The following TAB2 variants were observed in gnomAD, a reference collection of about 807,000 sequenced individuals.
TAB2 encodes TGF-beta activated kinase 1 (MAP3K7) binding protein 2, also known as TGF-beta-activated kinase 1 and MAP3K7-binding protein 2.
A neutral mutation model predicts 65.0 loss-of-function variants in TAB2; 3 were observed. The ratio of observed to expected loss-of-function variants is 0.05; its 90% CI spans 0.02 to 0.12. TAB2 has a LOEUF of 0.12. TAB2 is among the 10% of genes least tolerant of loss of function. The pLI, the probability that TAB2 is intolerant of heterozygous loss-of-function variation, is 1.00. For missense variants in TAB2, 623 were observed against 840.3 expected (o/e 0.74, Z 3.20); for synonymous variants, 298 against 285.1 (o/e 1.05, Z -0.46).
In TAB2 at chr6:149,318,811, G is replaced by A. The variant is rs535336318; in HGVS notation, c.-90+796G>A. 2.6e-5 allele frequency: 4 copies of A among 152,316 alleles called. No homozygotes were observed. In the East Asian group the frequency reaches 7.7e-4, roughly 29 times the overall value. 9.4% of individuals were successfully genotyped at this position (152,316 alleles called of 1,614,324 possible). On this transcript the variant is annotated intron_variant, in intron 1 of 6. Transcript: ENST00000637181. ...AGTTTGTATTTATGTGTTTGGCCAT[G>A]TTTCATTCCATATATAGTATATTTG...
At chr6:149,365,554 T>C (rs1781013597) in intron 1 of TAB2, among the ~76,000 whole-genome samples, 1 of 152,172 alleles carries the variant, frequency 6.6e-6, no homozygotes, top group African/African-American at 2.4e-5. Flanking sequence ...TTTCAAGATT[T>C]TCTTTTTGGT....
chr6:149,318,275 G>GC (rs1282704666), intron 1 of TAB2, among the ~76,000 whole-genome samples: 2 of 151,722 alleles, frequency 1.3e-5, no homozygotes, highest in South Asian at 2.1e-4. Context: ...CGTCCGTGCG[G>GC]GGGGGGAGGG....
At chr6:149,350,018 G>A (rs1780437881) in intron 1 of TAB2, among the ~76,000 whole-genome samples, 1 of 152,042 alleles carries the variant, frequency 6.6e-6, no homozygotes, top group Non-Finnish European at 1.5e-5. Flanking sequence ...TGCAACCTCT[G>A]CCTCCTGGGT....
At chr6:149,244,446 G>A (rs1186292511) in intron 1 of TAB2, 10 of 152,444 alleles carry the variant, frequency 6.6e-5, no homozygotes, top group African/African-American at 2.4e-4. Flanking sequence ...GACGGAGCAT[G>A]AAGGAGGAAG....
At chr6:149,307,131 G>A (rs918484720) in intron 1 of TAB2, among the ~76,000 whole-genome samples, 1 of 152,158 alleles carries the variant, frequency 6.6e-6, no homozygotes, top group Non-Finnish European at 1.5e-5. Flanking sequence ...GTAGTGTTGT[G>A]AGTCATAGAA....
In TAB2 at chr6:149,367,578, C is replaced by T. The variant is rs372878272; in HGVS notation, c.-89-2331C>T. 5.3e-4 allele frequency among the ~76,000 whole-genome samples: 80 copies of T among 152,100 alleles called. No homozygotes were observed. The South Asian group carries it at 0.011, about 21-fold the overall frequency. Reference sequence around the variant, plus strand: ...GATTTACTTTTCACAAAGATCACGCCGCTCAGTAAAGAAAATACTGGGGAC... The same window carrying T: ...GATTTACTTTTCACAAAGATCACGCTGCTCAGTAAAGAAAATACTGGGGAC... On this transcript the variant is annotated intron_variant, in intron 1 of 6. Transcript: ENST00000637181.
chr6:149,229,393 C>CGTGT (rs10553494), intron 1 of TAB2, among the ~76,000 whole-genome samples: 1,557 of 149,166 alleles, frequency 0.01, 19 homozygotes, highest in African/African-American at 0.034. Flanking sequence ...CCTTTAAAGA[C>CGTGT]GTGTGTGTGT....
At chr6:149,366,647 T>A (rs1333423704) in intron 1 of TAB2, among the ~76,000 whole-genome samples, 1 of 152,186 alleles carries the variant, frequency 6.6e-6, no homozygotes, top group Non-Finnish European at 1.5e-5. Context: ...AATTTGTTTC[T>A]TCCTCCTTCA....
chr6:149,257,308 A>AT (rs1175000432), intron 1 of TAB2: 3 of 152,204 alleles, frequency 2.0e-5, no homozygotes, highest in Admixed American at 6.5e-5. Context: ...AATTTTTCAC[A>AT]TTTCTACCTG....
chr6:149,334,366 A>G (rs1779872515), intron 1 of TAB2, among the ~76,000 whole-genome samples: 1 of 152,158 alleles, frequency 6.6e-6, no homozygotes, highest in African/African-American at 2.4e-5. Flanking sequence ...GAAGCTAGCC[A>G]AGTTTGTTAC....
chr6:149,310,702 C>G (rs1427022207), intron 1 of TAB2, among the ~76,000 whole-genome samples: 1 of 152,024 alleles, frequency 6.6e-6, no homozygotes, highest in African/African-American at 2.4e-5. Flanking sequence ...CTCAAGAAGG[C>G]CCCCAGGAGA....
chr6:149,273,137 T>C (rs1212326591), intron 1 of TAB2, among the ~76,000 whole-genome samples: 2 of 152,120 alleles, frequency 1.3e-5, no homozygotes, highest in Non-Finnish European at 1.5e-5. Flanking sequence ...CCAGGGATGC[T>C]GTTAAACATC....
chr6:149,233,460 C>T (rs1380344526), intron 1 of TAB2, among the ~76,000 whole-genome samples: 1 of 152,196 alleles, frequency 6.6e-6, no homozygotes, highest in African/African-American at 2.4e-5. Flanking sequence ...TGATTTGTCA[C>T]ACGTAAGTGT....
intron 1 of TAB2, among the ~76,000 whole-genome samples, chr6:149,367,476 G>A (rs1257640063): frequency 6.6e-6 from 1 of 152,142 alleles, no homozygotes; most frequent in Non-Finnish European, 1.5e-5. Flanking sequence ...GGAGAGGGTA[G>A]AAGATGAAGT....
At chr6:149,277,146 T>C (rs891915037) in intron 1 of TAB2, among the ~76,000 whole-genome samples, 1 of 152,222 alleles carries the variant, frequency 6.6e-6, no homozygotes, top group Non-Finnish European at 1.5e-5. Flanking sequence ...AAATTAAACC[T>C]CTTTACTTTA....
At chr6:149,223,417 G>A (rs1397436067) in intron 1 of TAB2, among the ~76,000 whole-genome samples, 2 of 152,216 alleles carry the variant, frequency 1.3e-5, no homozygotes, top group Non-Finnish European at 2.9e-5. Context: ...GACATGAAAT[G>A]ATTCTAAGAA....
At chr6:149,316,114 T>C (rs930377261), upstream of TAB2, among the ~76,000 whole-genome samples, 11 of 152,090 alleles carry the variant, frequency 7.2e-5, no homozygotes, top group African/African-American at 2.7e-4. Context: ...AGAACTGCTG[T>C]AAAGCGTTAA....
rs113994878 is a variant in TAB2, at chr6:149,249,232, G to A, written c.-121+30456G>A. On this transcript the variant is annotated intron_variant, in intron 1 of 1. Transcript: ENST00000606202. Reference sequence around the variant, plus strand: ...CAATTCTTGGCCACACCTCCCCAGAGCTTACAGCAGTGCCCAGGGCATGGG... The same window carrying A: ...CAATTCTTGGCCACACCTCCCCAGAACTTACAGCAGTGCCCAGGGCATGGG... Among the ~76,000 whole-genome samples, 62 of 152,044 alleles carry A rather than the reference G, an allele frequency of 4.1e-4. 1 individual carries two copies. The highest frequency in any genetic ancestry group is 1.4e-3 in the African/African-American group (56 of 41,454).
At chr6:149,218,596 T>A (rs563805968), upstream of TAB2, 2 of 293,388 alleles carry the variant, frequency 6.8e-6, no homozygotes, top group African/African-American at 4.3e-5. Context: ...AGGGTAGGGG[T>A]TGAAAGACAC....
Sources: gnomAD v4.1 joint callset for allele counts (sites outside exome capture counted in the v4.1 genomes callset) on GRCh38, gnomAD v4.1.1 for gene constraint, MANE v1.5 for transcripts, NCBI Gene and HGNC (gene_info 2026-07-23, HGNC 2026-07-21) for gene names.